C4orf50: variants seen among roughly 807,000 people sequenced by gnomAD.
C4orf50 encodes chromosome 4 open reading frame 50.
In C4orf50, 80 loss-of-function variants were observed where a neutral mutation model predicts 77.2. The ratio of observed to expected loss-of-function variants is 1.04; its 90% confidence interval spans 0.87 to 1.25. C4orf50 has a LOEUF of 1.25. C4orf50 is among the 50% of genes most tolerant of loss of function. The probability of loss-of-function intolerance (pLI) is 0.00; values close to 1 mark genes in which losing one functional copy is unlikely to be tolerated. For missense variants in C4orf50, 1,257 were observed against 1,152.9 expected, an observed-to-expected ratio of 1.09 and a Z score of -1.31; for synonymous variants, 532 against 465.3, an observed-to-expected ratio of 1.14 and a Z score of -1.84.
chr4:5,964,902 T>G, intron 33 of C4orf50, 122 bp downstream of exon 11: 1 of 815,022 alleles, frequency 1.2e-6, no homozygotes, highest in East Asian at 2.7e-5. Context: ...TTGTGTTCTA[T>G]TTCTTGACCT....
intron 25 of C4orf50, among the ~76,000 whole-genome samples, chr4:6,004,170 ATG>A (rs1722061610): frequency 3.5e-5 from 4 of 113,770 alleles, no homozygotes; most frequent in African/African-American, 1.4e-4. Context: ...GATAGTGATG[ATG>A]GTGATGATGG....
rs1057379776 is a variant in C4orf50 at position 5,992,294 on chromosome 4, T to C, written c.1221+509A>G. Among the ~76,000 whole-genome samples the C allele has an allele frequency of 1.3e-5, 2 of 152,144 alleles. No homozygotes were observed. The highest frequency in any genetic ancestry group is 1.9e-4 in the East Asian group (1 of 5,184). On this transcript the variant is annotated intron_variant, in intron 27 of 33. Coordinates refer to ENST00000531445, the Ensembl canonical transcript of C4orf50. This position sits in a 1 kb window ranked among gnomAD's most constrained non-coding sequence, Gnocchi z 5.0. ...GCTCGCGGGTCCCAGCACAGCTCTGTTCCTCAGGGATGAGAAAATGGAAGT... is the reference window on the plus strand; with the variant it reads ...GCTCGCGGGTCCCAGCACAGCTCTGCTCCTCAGGGATGAGAAAATGGAAGT...
At chr4:5,941,633 A>G (rs368813831) in intron 7 of C4orf50, among the ~76,000 whole-genome samples, 16 of 152,360 alleles carry the variant, frequency 1.1e-4, no homozygotes, top group East Asian at 9.6e-4. Context: ...TCTACAACAC[A>G]GAAGACACGG....
chr4:5,967,558 C>G, intron 31 of C4orf50, 96 bp from the exon 10 acceptor site: 2 of 1,185,800 alleles, frequency 1.7e-6, no homozygotes, highest in Admixed American at 3.4e-5. Flanking sequence ...GCCATCACCC[C>G]TCCCCGCAAA....
At chr4:5,928,583 G>A (rs1054170919) in intron 7 of C4orf50, among the ~76,000 whole-genome samples, 2 of 152,198 alleles carry the variant, frequency 1.3e-5, no homozygotes, top group Admixed American at 6.5e-5. Context: ...GAGGAAGGAC[G>A]AGCACCGGGA....
At chr4:5,956,548 C>T (rs1268929440), downstream of C4orf50, among the ~76,000 whole-genome samples, 1 of 152,216 alleles carries the variant, frequency 6.6e-6, no homozygotes, top group East Asian at 1.9e-4. Flanking sequence ...AGCAGAAGGC[C>T]TCCCGGGAGC....
chr4:6,011,057 G>GC lies in C4orf50; in HGVS notation c.426+772dup, dbSNP rs1560603680. On this transcript the variant is annotated intron_variant, in intron 24 of 33. Coordinates refer to ENST00000531445, the Ensembl canonical transcript of C4orf50. The surrounding 1 kb of genome is among the most constrained non-coding windows in gnomAD (Gnocchi z 4.2). Reference sequence around the variant, plus strand: ...TTGGCTCCAGGCCTCTGCCTCCAGAGCCCCCCACCCTTAACTGCCCACTGC... The same window carrying GC: ...TTGGCTCCAGGCCTCTGCCTCCAGAGCCCCCCCACCCTTAACTGCCCACTGC... Among the ~76,000 whole-genome samples, 3 of 152,124 alleles carry GC rather than the reference G, an allele frequency of 2.0e-5. No homozygotes were observed. Among genetic ancestry groups the GC allele is most frequent in the African/African-American group, 4.8e-5 (2 of 41,422 alleles).
intron 23 of C4orf50, 48 bp from the exon 2 acceptor site, chr4:6,012,016 T>A (rs1274002745): frequency 2.5e-6 from 1 of 398,848 alleles, no homozygotes; most frequent in Non-Finnish European, 4.4e-6. Context: ...GCAGTCAACA[T>A]GGCCTAGGGC....
In C4orf50 at chr4:5,980,174, C is replaced by T. The variant is rs1008788225; in HGVS notation, c.3864G>A (p.Lys1288=). Residue 1288 remains lysine, a splice_region_variant and synonymous_variant, in exon 29 of 34, where the codon AAG becomes AAA. Coordinates refer to ENST00000531445, the Ensembl canonical transcript of C4orf50. ...AGGGGAAAGAAAGCACTTCCCACAC[C>T]TTGGCCTGGAGCTCCTCCTGGAGGC... 3.1e-6 allele frequency: 5 copies of T among 1,592,838 alleles called. No homozygotes were observed. The African/African-American group carries it at 6.8e-5, about 22-fold the overall frequency.
chr4:5,963,000 C>CTTTTTTTTTTTTTTTT (rs370272649), intron 33 of C4orf50, among the ~76,000 whole-genome samples: 3 of 146,088 alleles, frequency 2.1e-5, no homozygotes, highest in East Asian at 2.2e-4. Flanking sequence ...TTTTTCTTTT[C>CTTTTTTTTTTTTTTTT]TTTTTTTTTT....
chr4:6,004,350 GAC>G (rs1722121275), intron 25 of C4orf50, among the ~76,000 whole-genome samples: 7 of 26,696 alleles, frequency 2.6e-4, no homozygotes, highest in East Asian at 6.8e-4. Context: ...TGGTGATGAT[GAC>G]GGTGATGGTG....
chr4:5,975,844 A>G, intron 30 of C4orf50, 55 bp downstream of exon 8: 1 of 1,362,004 alleles, frequency 7.3e-7, no homozygotes, highest in Non-Finnish European at 1.1e-6. Flanking sequence ...GAAAACTACT[A>G]AACTCTCTTT....
rs115874976 is a variant in C4orf50, at chr4:6,017,039, T to C, written c.287+1106A>G. Among the ~76,000 whole-genome samples, 157 of 152,318 alleles carry C rather than the reference T, an allele frequency of 1.0e-3. 1 individual carries two copies. Among genetic ancestry groups the C allele is most frequent in the African/African-American group, 3.6e-3 (149 of 41,558 alleles). ...CAACCTCGTTCTGCCAGTCTGGGTG[T>C]CAAGACATCGTCAGGAAAGAAGATG... On this transcript the variant is annotated intron_variant, in intron 23 of 33. Coordinates refer to ENST00000531445, the Ensembl canonical transcript of C4orf50. This position sits in a 1 kb window ranked among gnomAD's most constrained non-coding sequence, Gnocchi z 4.7.
At chr4:5,971,420 C>T (rs923174429) in intron 31 of C4orf50, among the ~76,000 whole-genome samples, 3 of 152,224 alleles carry the variant, frequency 2.0e-5, no homozygotes, top group Non-Finnish European at 2.9e-5. Context: ...TCCCCCGACT[C>T]CTCCCCTGGG....
At chr4:5,995,741 C>G (rs7653982) in intron 25 of C4orf50, among the ~76,000 whole-genome samples, 27,879 of 152,232 alleles carry the variant, frequency 0.18, 2,777 homozygotes, top group African/African-American at 0.22. Context: ...AATGTTTCAT[C>G]ATTGGGTGGA....
chr4:5,996,956 T>A (rs1158152603), intron 25 of C4orf50, among the ~76,000 whole-genome samples: 4 of 151,578 alleles, frequency 2.6e-5, no homozygotes, highest in African/African-American at 4.9e-5. Context: ...CTGCTTAAAA[T>A]CATCATTGGA....
At chr4:5,987,209 G>C (rs1431458398) in intron 28 of C4orf50, among the ~76,000 whole-genome samples, 1 of 151,762 alleles carries the variant, frequency 6.6e-6, no homozygotes, top group Non-Finnish European at 1.5e-5. Context: ...TCAGGAGTTC[G>C]AGACCAGCCT....
chr4:5,907,806 A>C (rs749621403), intron 7 of C4orf50, among the ~76,000 whole-genome samples: 1 of 152,156 alleles, frequency 6.6e-6, no homozygotes, highest in Non-Finnish European at 1.5e-5. Context: ...AAAAGAGAGA[A>C]GTAAAAAGGC....
At position 5,916,111 on chromosome 4, in the gene C4orf50, TGACCAGG is replaced by T. The variant is rs1299589949; in HGVS notation, c.*2475-17930_*2475-17924del. On this transcript the variant is annotated intron_variant, in intron 7 of 7. Transcript: ENST00000324058. The surrounding 1 kb of genome is among the most constrained non-coding windows in gnomAD (Gnocchi z 4.4). ...GGCAGAGCTCAGCTCCACACAGTAG[TGACCAGG>T]GACCCAAGCATTGCCAAGAAGCCCT... Among the ~76,000 whole-genome samples, 1 of 152,184 alleles carries T rather than the reference TGACCAGG, an allele frequency of 6.6e-6. No homozygotes were observed. Among genetic ancestry groups the T allele is most frequent in the Non-Finnish European group, 1.5e-5 (1 of 68,026 alleles).
Sources: allele counts gnomAD v4.1 joint callset (sites outside exome capture counted in the v4.1 genomes callset), GRCh38; gene constraint gnomAD v4.1.1; non-coding constraint Gnocchi (gnomAD v3.1); transcripts MANE v1.5; gene names NCBI Gene and HGNC (gene_info 2026-07-23, HGNC 2026-07-21).